Variants in ADAMTS9 observed in about 807,000 individuals in gnomAD.
ADAMTS9 encodes A disintegrin and metalloproteinase with thrombospondin motifs 9.
In ADAMTS9, 107 loss-of-function variants were observed where a neutral mutation model predicts 257.1. The ratio of observed to expected loss-of-function variants is 0.42; its 90% CI spans 0.36 to 0.49. ADAMTS9 has a LOEUF of 0.49. ADAMTS9 is among the 20% of genes least tolerant of loss of function. The pLI, the probability that ADAMTS9 is intolerant of heterozygous loss-of-function variation, is 0.03. For synonymous variants in ADAMTS9, 982 were observed against 880.9 expected (o/e 1.11, Z -2.03); for missense variants, 2,353 against 2,469.1 (o/e 0.95, Z 1.00).
At chr3:64,638,396 G>A (rs1700553577) in intron 12 of ADAMTS9, among the ~76,000 whole-genome samples, 2 of 152,096 alleles carry the variant, frequency 1.3e-5, no homozygotes, top group South Asian at 4.1e-4. Context: ...GCTATGTTTT[G>A]GAGGTTCTGA....
rs946027228 is a variant in ADAMTS9, at chr3:64,622,238, G to T, written c.2646C>A (p.Asn882Lys). Residue 882 changes from asparagine (N) to lysine (K), a missense_variant, in exon 18 of 40, where the codon AAC (asparagine) becomes AAA (lysine). Physicochemically the swap from Asn to Lys is moderately conservative, Grantham distance 94. Coordinates refer to ENST00000498707, the MANE Select transcript of ADAMTS9 (RefSeq NM_182920.2). ...TGCATGCTTGCCATGGCCCATGACTGTTCCAGTAAAACTGCTGAGGTTTAT... is the reference window on the plus strand; with the variant it reads ...TGCATGCTTGCCATGGCCCATGACTTTTCCAGTAAAACTGCTGAGGTTTAT... ...IEDKPQQFYW[N>K]SHGPWQACSK... 1 of 1,613,994 alleles carries T rather than the reference G, an allele frequency of 6.2e-7. No homozygotes were observed. Among genetic ancestry groups the T allele is most frequent in the Non-Finnish European group, 8.5e-7 (1 of 1,179,966 alleles).
chr3:64,541,287 G>C, intron 35 of ADAMTS9, 33 bp downstream of exon 35: 1 of 1,613,924 alleles, frequency 6.2e-7, no homozygotes, highest in Non-Finnish European at 8.5e-7. Flanking sequence ...GGATCTCCAG[G>C]CCTCTGAGAT....
chr3:64,539,253 C>T lies in ADAMTS9; in HGVS notation c.5563G>A (p.Val1855Ile), dbSNP rs775326790. 21 of 1,613,900 alleles carry T rather than the reference C, an allele frequency of 1.3e-5. No homozygotes were observed. The highest frequency in any genetic ancestry group is 3.3e-5 in the Admixed American group (2 of 59,990). ...QFARTSEGHP[V>I]PFATAGDCYS... The stretch of plus-strand genomic sequence containing the variant: ...CAATCCCCGGCTGTGGCAAAAGGGA[C>T]GGGATGTCCTTCGCTTGTCCTTGCA... Residue 1855 changes from valine (V) to isoleucine (I), a missense_variant, in exon 37 of 40, where the codon GTC becomes ATC. Transcript: ENST00000498707.
Position 64,658,777 on chromosome 3 carries a change from G to T in ADAMTS9, c.694C>A (p.His232Asn), listed in dbSNP as rs911733872. The T allele has an allele frequency of 1.9e-6, 3 of 1,612,580 alleles. No individual in the cohort carries two copies. Among genetic ancestry groups the T allele is most frequent in the Non-Finnish European group, 2.5e-6 (3 of 1,179,446 alleles). The change falls in exon 4 of 40, where the codon CAC (histidine) becomes AAC (asparagine). Residue 232 changes from histidine to asparagine, a missense_variant. Transcript: ENST00000498707. ...ACDTSEHKNRHSKDKKKTRAR... is the reference protein window; with the variant it reads ...ACDTSEHKNRNSKDKKKTRAR... ...CTGGTTTTCTTCTTGTCTTTACTGT[G>T]CCTATTTTTGTGTTCTGTAACAAAT...
At chr3:64,639,457 T>C (rs1700586170) in intron 12 of ADAMTS9, among the ~76,000 whole-genome samples, 1 of 152,092 alleles carries the variant, frequency 6.6e-6, no homozygotes. Flanking sequence ...CTGAGATCTT[T>C]ACACTGGGTG....
chr3:64,602,034 G>A lies in ADAMTS9; in HGVS notation c.3927C>T (p.Phe1309=). The A allele has an allele frequency of 6.2e-7, 1 of 1,614,050 alleles. No homozygotes were observed. The change falls in exon 26 of 40, where the codon TTC becomes TTT. Residue 1309 remains phenylalanine, a synonymous_variant. Transcript: ENST00000498707. ...TPDSGLAQHP[F]QNEDYRPRSA... Reference sequence around the variant, plus strand: ...TCCGGGGACGATAGTCCTCATTTTGGAAGGGGTGCTGAGCTAAGCCACTGT... The same window carrying A: ...TCCGGGGACGATAGTCCTCATTTTGAAAGGGGTGCTGAGCTAAGCCACTGT...
At chr3:64,672,680 A>AAAC (rs1279428630) in intron 3 of ADAMTS9, among the ~76,000 whole-genome samples, 13 of 152,112 alleles carry the variant, frequency 8.5e-5, no homozygotes, top group Middle Eastern at 3.4e-3. Flanking sequence ...AAGACTCTCA[A>AAAC]AACAACAACA....
Position 64,601,994 on chromosome 3 carries a change from G to C in ADAMTS9, c.3967C>G (p.Arg1323Gly), listed in dbSNP as rs561679926. 6.2e-7 allele frequency: 1 copy of C among 1,613,932 alleles called. No individual in the cohort carries two copies. The highest frequency in any genetic ancestry group is 1.3e-5 in the African/African-American group (1 of 75,048). ...TGGTTTCCACCGAGCACATGGGTGC[G>C]GCTGGGGCTGGCGCTCCGGGGACGA... ...DYRPRSASPS[R>G]THVLGGNQWR... The change falls in exon 26 of 40, where the codon CGC becomes GGC. Residue 1323 changes from arginine to glycine, a missense_variant. Coordinates refer to ENST00000498707, the MANE Select transcript of ADAMTS9 (RefSeq NM_182920.2).
chr3:64,528,701 G>A (rs1476383031), intron 38 of ADAMTS9, among the ~76,000 whole-genome samples: 1 of 152,142 alleles, frequency 6.6e-6, no homozygotes, highest in Admixed American at 6.5e-5. Context: ...AAACCTCAGG[G>A]CTATGAAAAC....
intron 30 of ADAMTS9, among the ~76,000 whole-genome samples, chr3:64,555,106 C>T (rs1293246593): frequency 6.6e-6 from 1 of 152,130 alleles, no homozygotes; most frequent in Non-Finnish European, 1.5e-5. Flanking sequence ...GCTGGGTTAC[C>T]ATTGTTGCAC....
intron 28 of ADAMTS9, among the ~76,000 whole-genome samples, chr3:64,579,829 G>A (rs1392761717): frequency 6.6e-6 from 1 of 152,144 alleles, no homozygotes; most frequent in South Asian, 2.1e-4. Context: ...TCCAAAACTA[G>A]CCACATATTC....
intron 38 of ADAMTS9, among the ~76,000 whole-genome samples, chr3:64,522,793 T>G (rs2082869574): frequency 6.6e-6 from 1 of 152,162 alleles, no homozygotes; most frequent in Non-Finnish European, 1.5e-5. Context: ...TATACCATTA[T>G]GACAAATCAA....
chr3:64,675,240 T>A (rs562984616), intron 3 of ADAMTS9, among the ~76,000 whole-genome samples: 2 of 152,266 alleles, frequency 1.3e-5, no homozygotes, highest in South Asian at 4.2e-4. Context: ...GCGGTAAGAA[T>A]TGAAATATGT....
In ADAMTS9 at chr3:64,646,450, T is replaced by C. The variant is rs144859668; in HGVS notation, c.1710+1490A>G. On this transcript the variant is annotated intron_variant, in intron 11 of 39. Coordinates refer to ENST00000498707, the MANE Select transcript of ADAMTS9 (RefSeq NM_182920.2). Reference sequence around the variant, plus strand: ...ACATGTCTTGCAAAGATTCAACATGTCTTGCAAAGATTCACTCTTTGGCCA... The same window carrying C: ...ACATGTCTTGCAAAGATTCAACATGCCTTGCAAAGATTCACTCTTTGGCCA... 1.5e-3 allele frequency among the ~76,000 whole-genome samples: 232 copies of C among 152,326 alleles called. 2 individuals carry two copies. Among genetic ancestry groups the C allele is most frequent in the African/African-American group, 5.4e-3 (224 of 41,574 alleles).
intron 19 of ADAMTS9, among the ~76,000 whole-genome samples, chr3:64,620,175 T>C (rs981156555): frequency 2.9e-4 from 44 of 152,252 alleles, no homozygotes; most frequent in African/African-American, 1.0e-3. Flanking sequence ...ATGACACTCG[T>C]ACCATAACTG....
Position 64,631,300 on chromosome 3 carries a change from G to C in ADAMTS9, c.2389+155C>G, listed in dbSNP as rs576262132. On this transcript the variant is annotated intron_variant, in intron 16 of 39. Coordinates refer to ENST00000498707, the MANE Select transcript of ADAMTS9 (RefSeq NM_182920.2). ...ATACTCTGAGGGCGTATGTATGAGG[G>C]AGAAATACAATGGTGAATTTTGAGA... Among the ~76,000 whole-genome samples, 11 of 152,320 alleles carry C rather than the reference G, an allele frequency of 7.2e-5. No homozygotes were observed. In the South Asian group the frequency reaches 2.3e-3, roughly 32 times the overall value.
intron 3 of ADAMTS9, among the ~76,000 whole-genome samples, chr3:64,676,065 T>C (rs1701618110): frequency 6.6e-6 from 1 of 152,112 alleles, no homozygotes; most frequent in Non-Finnish European, 1.5e-5. Context: ...CCAGGGTCAG[T>C]CCAACAGGCA....
At chr3:64,608,225 T>A (rs1338813788) in intron 22 of ADAMTS9, among the ~76,000 whole-genome samples, 4 of 61,084 alleles carry the variant, frequency 6.5e-5, no homozygotes, top group East Asian at 4.2e-4. Context: ...CTTTACTTCC[T>A]AAGGAACTAC....
intron 3 of ADAMTS9, among the ~76,000 whole-genome samples, chr3:64,659,426 C>T (rs1701168688): frequency 6.7e-6 from 1 of 148,652 alleles, no homozygotes; most frequent in African/African-American, 2.5e-5. Context: ...TTAGATTGTG[C>T]TACTGCACTC....
Sources: allele counts gnomAD v4.1 joint callset (sites outside exome capture counted in the v4.1 genomes callset), GRCh38; gene constraint gnomAD v4.1.1; transcripts MANE v1.5; gene names NCBI Gene and HGNC (gene_info 2026-07-23, HGNC 2026-07-21).